Variants in SERPINA1 observed in about 807,000 individuals in gnomAD.
SERPINA1 encodes the protein serpin family A member 1.
In SERPINA1, 21 loss-of-function variants were observed where a neutral mutation model predicts 25.4. The observed-to-expected ratio is 0.83, with a 90% CI of 0.59 to 1.19. SERPINA1 has a LOEUF of 1.19. Among genes scored for constraint, SERPINA1 ranks in the 50% most tolerant of loss-of-function variants. The pLI is 0.00. For synonymous variants in SERPINA1, 218 were observed against 211.1 expected (o/e 1.03, Z -0.29); for missense variants, 546 against 509.0 (o/e 1.07, Z -0.70).
intron 3 of SERPINA1, chr14:94,380,539 T>C: frequency 2.6e-6 from 1 of 390,210 alleles, no homozygotes; most frequent in South Asian, 2.6e-5. Flanking sequence ...CTGTTCCTTT[T>C]TGGTTCTGCC....
rs113813309 is a variant in SERPINA1 at position 94,382,692 on chromosome 14, G to A, written c.546C>T (p.Asn182=). Residue 182 remains asparagine (N), a synonymous_variant, in exon 2 of 5, where the codon AAC becomes AAT. Transcript: ENST00000393087. ...CTTGAGTACCCTTCTCCACGTAATC[G>A]TTGATCTGTTTCTTGGCCTCTTCGG... ...GDTEEAKKQI[N]DYVEKGTQGK... is the part of the protein sequence containing the mutation. The A allele has an allele frequency of 5.5e-5, 89 of 1,614,224 alleles. No individual in the cohort carries two copies. In the African/African-American group the frequency reaches 5.9e-4, roughly 11 times the overall value.
At chr14:94,384,628 C>A (rs952503636) in intron 1 of SERPINA1, among the ~76,000 whole-genome samples, 2 of 152,138 alleles carry the variant, frequency 1.3e-5, no homozygotes, top group African/African-American at 2.4e-5. Context: ...TAGAACCTGC[C>A]GTCTTCACAG....
chr14:94,382,196 C>A (rs996491020), intron 2 of SERPINA1, among the ~76,000 whole-genome samples: 3 of 152,194 alleles, frequency 2.0e-5, no homozygotes, highest in African/African-American at 7.2e-5. Context: ...GGATTTGAAC[C>A]CAGGTCTTTC....
Position 94,382,781 on chromosome 14 carries a change from T to A in SERPINA1, c.457A>T (p.Lys153Ter). The change falls in exon 2 of 5, where the codon AAG (lysine) becomes TAG (stop). Residue 153 changes from lysine to a stop codon, truncating the protein, a stop_gained. Coordinates refer to ENST00000393087, the MANE Select transcript of SERPINA1 (RefSeq NM_000295.5). LOFTEE classifies it high-confidence loss of function. The stretch of plus-strand genomic sequence containing the variant: ...AACTTTTTAACATCCTCCAAAAACT[T>A]ATCCACTAGCTTCAGGCCCTCGCTG... ...FLSEGLKLVD[K>*]FLEDVKKLYH... is the part of the protein sequence containing the mutation. 1 of 1,614,246 alleles carries A rather than the reference T, an allele frequency of 6.2e-7. No homozygotes were observed.
In SERPINA1 at chr14:94,377,970, C is replaced by A; in HGVS notation, c.*479G>T. 5.4e-6 allele frequency: 1 copy of A among 186,598 alleles called. No individual in the cohort carries two copies. Among genetic ancestry groups the A allele is most frequent in the Admixed American group, 5.3e-5 (1 of 18,696 alleles). The allele number at this position is 186,598 out of a possible 1,614,324, so 11.6% of individuals were successfully genotyped here. ...GGCACGATCAGGCAGTTCTGGGGCC[C>A]CCAGGAGGGCAGCCTTGGGGTGGGC... On this transcript the variant is annotated 3_prime_UTR_variant, in exon 5 of 5. Coordinates refer to ENST00000393087, the MANE Select transcript of SERPINA1 (RefSeq NM_000295.5).
intron 1 of SERPINA1, among the ~76,000 whole-genome samples, chr14:94,386,489 G>C (rs536083607): frequency 6.6e-6 from 1 of 152,308 alleles, no homozygotes; most frequent in Admixed American, 6.5e-5. Context: ...TACTGGCAGG[G>C]GGCCTGGGGT....
chr14:94,389,600 T>C (rs530470415), upstream of SERPINA1: 19 of 152,312 alleles, frequency 1.2e-4, no homozygotes, highest in African/African-American at 3.6e-4. Flanking sequence ...GGGTTGAGGC[T>C]AGTGGGGCCC....
chr14:94,380,194 C>T (rs1325552252), intron 3 of SERPINA1, among the ~76,000 whole-genome samples: 3 of 152,260 alleles, frequency 2.0e-5, no homozygotes, highest in East Asian at 1.9e-4. Flanking sequence ...ATTCCAGCCT[C>T]GATTCCTATT....
In SERPINA1 at chr14:94,376,982, C is replaced by G. The variant is rs1032604384; in HGVS notation, c.*1467G>C. 1 of 152,160 alleles carries G rather than the reference C, an allele frequency of 6.6e-6. No homozygotes were observed. The highest frequency in any genetic ancestry group is 2.4e-5 in the African/African-American group (1 of 41,396). 9.4% of individuals were successfully genotyped at this position (152,160 alleles called of 1,614,324 possible). Reference sequence around the variant, plus strand: ...CTAGGGGGCTTGGTGATGGCCATATCTTTAATGTATTTGTGGAGAGTGAAA... The same window carrying G: ...CTAGGGGGCTTGGTGATGGCCATATGTTTAATGTATTTGTGGAGAGTGAAA... On this transcript the variant is annotated 3_prime_UTR_variant, in exon 5 of 5. Transcript: ENST00000393087.
chr14:94,388,836 G>A (rs987832004), upstream of SERPINA1: 1 of 152,352 alleles, frequency 6.6e-6, no homozygotes, highest in African/African-American at 2.4e-5. Context: ...AGAAACCACA[G>A]CGTCCTGTGT....
At chr14:94,380,393 T>A (rs1454721563) in intron 3 of SERPINA1, among the ~76,000 whole-genome samples, 3 of 152,260 alleles carry the variant, frequency 2.0e-5, no homozygotes, top group Non-Finnish European at 2.9e-5. Flanking sequence ...GCAAGCCTTC[T>A]GCGAACATGG....
chr14:94,386,849 A>G (rs1466513031), intron 1 of SERPINA1, among the ~76,000 whole-genome samples: 2 of 152,150 alleles, frequency 1.3e-5, no homozygotes, highest in Non-Finnish European at 2.9e-5. Context: ...TCATTGCCAC[A>G]CTTACTAACA....
chr14:94,388,333 G>A (rs1459570046), intron 1 of SERPINA1, among the ~76,000 whole-genome samples: 1 of 152,158 alleles, frequency 6.6e-6, no homozygotes, highest in Non-Finnish European at 1.5e-5. Context: ...GTATCCACCA[G>A]GAGGTACCGA....
chr14:94,376,802 A>T lies in SERPINA1; in HGVS notation c.*1647T>A, dbSNP rs906549379. 1.3e-5 allele frequency: 2 copies of T among 152,340 alleles called. No homozygotes were observed. The highest frequency in any genetic ancestry group is 3.4e-3 in the Middle Eastern group (1 of 294). The allele number at this position is 152,340 out of a possible 1,614,324, so 9.4% of individuals were successfully genotyped here. On this transcript the variant is annotated 3_prime_UTR_variant, in exon 5 of 5. Coordinates refer to ENST00000393087, the MANE Select transcript of SERPINA1 (RefSeq NM_000295.5). ...TTCTAATGGGTATAAACATTTTGTT[A>T]TCTAACTTGAACATCATACCAACTC...
chr14:94,378,699 TCA>T, intron 4 of SERPINA1, 59 bp from the exon 5 acceptor site: 1 of 1,586,396 alleles, frequency 6.3e-7, no homozygotes, highest in East Asian at 2.3e-5. Context: ...CGAGCAAGGC[TCA>T]CGTGGACACC....
intron 3 of SERPINA1, 98 bp from the exon 4 acceptor site, chr14:94,379,709 G>T: frequency 1.3e-6 from 2 of 1,537,902 alleles, no homozygotes. Flanking sequence ...GATTATTTCT[G>T]CCACTTACTC....
At position 94,382,824 on chromosome 14, in the gene SERPINA1, G is replaced by A. The variant is rs541545839; in HGVS notation, c.414C>T (p.Thr138=). 25 of 1,614,242 alleles carry A rather than the reference G, an allele frequency of 1.5e-5. No individual in the cohort carries two copies. Among genetic ancestry groups the A allele is most frequent in the South Asian group, 3.3e-5 (3 of 91,088 alleles). The change falls in exon 2 of 5, where the codon ACC becomes ACT. Residue 138 remains threonine, a synonymous_variant. Coordinates refer to ENST00000393087, the MANE Select transcript of SERPINA1 (RefSeq NM_000295.5). ...CCTCGCTGAGGAACAGGCCATTGCC[G>A]GTGGTCAGCTGGAGCTGGCTGTCTG... is the stretch of plus-strand genomic sequence containing the variant. ...NQPDSQLQLT[T]GNGLFLSEGL...
chr14:94,383,910 T>A (rs1897130320), intron 1 of SERPINA1: 1 of 152,304 alleles, frequency 6.6e-6, no homozygotes, highest in Admixed American at 6.5e-5. Flanking sequence ...TGGGAGCTGT[T>A]CCCACCCAAC....
intron 1 of SERPINA1, among the ~76,000 whole-genome samples, chr14:94,384,416 A>G (rs1220354759): frequency 1.3e-5 from 2 of 152,198 alleles, no homozygotes; most frequent in African/African-American, 4.8e-5. Flanking sequence ...GTGATAGGCC[A>G]GTGAGGAATA....
Sources: allele counts gnomAD v4.1 joint callset (sites outside exome capture counted in the v4.1 genomes callset), GRCh38; gene constraint gnomAD v4.1.1; transcripts MANE v1.5; gene names NCBI Gene and HGNC (gene_info 2026-07-23, HGNC 2026-07-21).